ULK4: variants seen among roughly 807,000 people sequenced by gnomAD.
ULK4 encodes inactive serine/threonine-protein kinase ULK4.
A neutral mutation model predicts 160.6 loss-of-function variants in ULK4; 133 were observed. That is an observed-to-expected ratio of 0.83 (90% CI 0.72 to 0.96). The LOEUF (loss-of-function observed/expected upper bound fraction) is 0.96, where lower values mean the gene tolerates loss of function less well. Among genes scored for constraint, ULK4 ranks in the 40% least tolerant of loss-of-function variants. The pLI, the probability that ULK4 is intolerant of heterozygous loss-of-function variation, is 0.00. For synonymous variants in ULK4, 534 were observed against 539.8 expected (o/e 0.99, Z 0.15); for missense variants, 1,580 against 1,499.5 (o/e 1.05, Z -0.89).
rs896316192 is a variant in ULK4, at chr3:41,303,114, T to G, written c.3679-53540A>C. ...AACTGTTATAACTTTTTTAAAGTCA[T>G]TTTTAAAAATTATAGTATTGCCTCT... On this transcript the variant is annotated intron_variant, in intron 35 of 36. Transcript: ENST00000301831. Among the ~76,000 whole-genome samples the G allele has an allele frequency of 4.6e-5, 7 of 152,202 alleles. No individual in the cohort carries two copies. The East Asian group carries it at 1.3e-3, about 29-fold the overall frequency.
intron 35 of ULK4, among the ~76,000 whole-genome samples, chr3:41,366,322 T>C (rs1028707926): frequency 1.3e-5 from 2 of 152,100 alleles, no homozygotes; most frequent in Non-Finnish European, 2.9e-5. Flanking sequence ...ACCACTTAGG[T>C]GAAATATGAG....
At chr3:41,774,180 A>C (rs1266279373) in intron 21 of ULK4, among the ~76,000 whole-genome samples, 2 of 152,044 alleles carry the variant, frequency 1.3e-5, no homozygotes, top group African/African-American at 2.4e-5. Context: ...TTCATGTCTA[A>C]AACACCAAAA....
At chr3:41,719,149 C>T (rs746672392) in intron 22 of ULK4, among the ~76,000 whole-genome samples, 6 of 152,202 alleles carry the variant, frequency 3.9e-5, no homozygotes, top group Admixed American at 3.9e-4. Flanking sequence ...TCTATCATAA[C>T]CTCATCCTTT....
chr3:41,919,586 T>G, intron 6 of ULK4, 131 bp downstream of exon 6: 1 of 729,570 alleles, frequency 1.4e-6, no homozygotes, highest in East Asian at 2.6e-5. Context: ...TGGGTGACAG[T>G]ACGAGACTCT....
At position 41,529,662 on chromosome 3, in the gene ULK4, C is replaced by G. The variant is rs576011068; in HGVS notation, c.3226+36363G>C. 3.9e-5 allele frequency among the ~76,000 whole-genome samples: 6 copies of G among 152,170 alleles called. No individual in the cohort carries two copies. In the East Asian group the frequency reaches 9.7e-4, roughly 24 times the overall value. On this transcript the variant is annotated intron_variant, in intron 32 of 36. Coordinates refer to ENST00000301831, the MANE Select transcript of ULK4 (RefSeq NM_017886.4). ...ACCCTGCCCGGCTTTTTCTTTTTCC[C>G]CCATATTTTTAGTAGAGGCAGGGTT...
Position 41,397,451 on chromosome 3 carries a change from C to G in ULK4, c.3678+628G>C, listed in dbSNP as rs187957975. On this transcript the variant is annotated intron_variant, in intron 35 of 36. Coordinates refer to ENST00000301831, the MANE Select transcript of ULK4 (RefSeq NM_017886.4). ...CCACCAGTGAGGGGCAAACAGCCAC[C>G]AAAAGCCTCTGGATATGATGGATTG... is the stretch of plus-strand genomic sequence containing the variant. Among the ~76,000 whole-genome samples the G allele has an allele frequency of 1.5e-3, 235 of 152,110 alleles. 1 individual carries two copies. The highest frequency in any genetic ancestry group is 0.013 in the Admixed American group (201 of 15,258).
intron 31 of ULK4, among the ~76,000 whole-genome samples, chr3:41,577,306 G>C (rs1575439820): frequency 1.3e-5 from 2 of 152,270 alleles, no homozygotes; most frequent in East Asian, 3.9e-4. Flanking sequence ...GAATCTTAGA[G>C]ACTTTTCTAG....
intron 35 of ULK4, among the ~76,000 whole-genome samples, chr3:41,303,866 G>A (rs1275810513): frequency 6.6e-6 from 1 of 152,144 alleles, no homozygotes; most frequent in Non-Finnish European, 1.5e-5. Context: ...GGGGCAGGGT[G>A]GGGGGCAACC....
chr3:41,268,841 C>T (rs2079091377), intron 35 of ULK4, among the ~76,000 whole-genome samples: 1 of 148,672 alleles, frequency 6.7e-6, no homozygotes, highest in Admixed American at 6.7e-5. Context: ...AAAAGCCCCA[C>T]ACTCCACCCT....
At chr3:41,404,034 T>C (rs1404786555) in intron 34 of ULK4, among the ~76,000 whole-genome samples, 1 of 152,064 alleles carries the variant, frequency 6.6e-6, no homozygotes, top group African/African-American at 2.4e-5. Flanking sequence ...GAGTGTTCCA[T>C]GGGCACTGGA....
intron 35 of ULK4, among the ~76,000 whole-genome samples, chr3:41,283,758 C>CAT (rs2125696932): frequency 6.6e-6 from 1 of 151,870 alleles, no homozygotes; most frequent in Non-Finnish European, 1.5e-5. Flanking sequence ...CAAACCTGCA[C>CAT]GTTTTGCACA....
chr3:41,841,200 G>GGCCA lies in ULK4; in HGVS notation c.1657-5230_1657-5229insTGGC, dbSNP rs1559598745. On this transcript the variant is annotated intron_variant, in intron 17 of 36. Coordinates refer to ENST00000301831, the MANE Select transcript of ULK4 (RefSeq NM_017886.4). ...AGGTGAGGAGCGCCTCTGCCCGGCC[G>GGCCA]CCCCGCCTGGGAGGTGGGGAGCACC... Among the ~76,000 whole-genome samples the GGCCA allele has an allele frequency of 6.4e-4, 92 of 144,178 alleles. 1 individual carries two copies. Among genetic ancestry groups the GGCCA allele is most frequent in the African/African-American group, 2.2e-3 (86 of 38,706 alleles). 94.6% of individuals were successfully genotyped at this position (144,178 alleles called of 152,430 possible). A position where few individuals can be genotyped will look rare whatever the true frequency, so the allele number is the denominator to read the frequency against.
chr3:41,706,673 C>T (rs2036898821), intron 25 of ULK4, among the ~76,000 whole-genome samples: 1 of 150,392 alleles, frequency 6.6e-6, no homozygotes, highest in South Asian at 2.1e-4. Flanking sequence ...ATTAAAAATA[C>T]AAAAATTAGC....
intron 32 of ULK4, among the ~76,000 whole-genome samples, chr3:41,539,717 C>T (rs1349145730): frequency 6.6e-6 from 1 of 152,124 alleles, no homozygotes; most frequent in East Asian, 1.9e-4. Context: ...CCACTGAAAA[C>T]AAAACTTCAG....
chr3:41,934,408 C>G (rs1303667283), intron 4 of ULK4, among the ~76,000 whole-genome samples: 1 of 152,160 alleles, frequency 6.6e-6, no homozygotes. Context: ...CCAGCTTTTT[C>G]TTTCCTTGGC....
chr3:41,615,631 A>T, intron 31 of ULK4, 38 bp downstream of exon 31: 2 of 1,600,616 alleles, frequency 1.2e-6, no homozygotes, highest in Non-Finnish European at 1.7e-6. Flanking sequence ...CAATTTCAAA[A>T]TTTCATTTGA....
At chr3:41,596,728 C>T (rs11718293) in intron 31 of ULK4, among the ~76,000 whole-genome samples, 30,186 of 151,858 alleles carry the variant, frequency 0.2, 3,771 homozygotes, top group Non-Finnish European at 0.27. Context: ...ATGAGGTGTG[C>T]GTAGGGGGAT....
At chr3:41,814,908 CTT>C (rs201381514) in intron 19 of ULK4, among the ~76,000 whole-genome samples, 8 of 127,410 alleles carry the variant, frequency 6.3e-5, no homozygotes, top group Admixed American at 1.6e-4. Flanking sequence ...TAATTCTGTC[CTT>C]TTTTTTTTTT....
At position 41,658,057 on chromosome 3, in the gene ULK4, T is replaced by C. The variant is rs186771257; in HGVS notation, c.3071+5550A>G. Among the ~76,000 whole-genome samples the C allele has an allele frequency of 1.4e-3, 219 of 152,176 alleles. 1 individual carries two copies. Among genetic ancestry groups the C allele is most frequent in the Admixed American group, 3.9e-3 (60 of 15,300 alleles). On this transcript the variant is annotated intron_variant, in intron 30 of 36. Transcript: ENST00000301831. The stretch of plus-strand genomic sequence containing the variant: ...AACAAAAAATATTACCTGATCACAA[T>C]GCAATGAAACTAGAAATTAATATCA...
Sources: allele counts gnomAD v4.1 joint callset (sites outside exome capture counted in the v4.1 genomes callset), GRCh38; gene constraint gnomAD v4.1.1; transcripts MANE v1.5; gene names NCBI Gene and HGNC (gene_info 2026-07-23, HGNC 2026-07-21).